WDR93: variants seen among roughly 807,000 people sequenced by gnomAD.
WDR93 encodes WD repeat-containing protein 93.
WDR93 carries 73 observed loss-of-function variants against 82.9 expected under a neutral mutation model. The ratio of observed to expected loss-of-function variants is 0.88; its 90% CI spans 0.73 to 1.07. The LOEUF (loss-of-function observed/expected upper bound fraction) is 1.07, where lower values mean the gene tolerates loss of function less well. Among genes scored for constraint, WDR93 ranks in the 50% least tolerant of loss-of-function variants. The pLI, the probability that WDR93 is intolerant of heterozygous loss-of-function variation, is 0.00. For missense variants in WDR93, 738 were observed against 826.0 expected (o/e 0.89, Z 1.31); for synonymous variants, 283 against 300.1 (o/e 0.94, Z 0.59).
At chr15:89,740,523 C>CA (rs1967582063) in intron 16 of WDR93, among the ~76,000 whole-genome samples, 1 of 151,772 alleles carries the variant, frequency 6.6e-6, no homozygotes, top group African/African-American at 2.4e-5. Flanking sequence ...GTTTTTGAAA[C>CA]AGAGTTTCAC....
intron 8 of WDR93, among the ~76,000 whole-genome samples, chr15:89,725,826 T>A (rs1328484632): frequency 6.6e-6 from 1 of 152,204 alleles, no homozygotes; most frequent in Non-Finnish European, 1.5e-5. Flanking sequence ...CCTTCCAAAG[T>A]GCTGGGATTA....
intron 14 of WDR93, among the ~76,000 whole-genome samples, chr15:89,736,251 C>T (rs761475611): frequency 2.6e-5 from 4 of 152,158 alleles, no homozygotes; most frequent in South Asian, 2.1e-4. Context: ...GGTTGATCCT[C>T]GCTTGCAGAG....
intron 8 of WDR93, among the ~76,000 whole-genome samples, chr15:89,722,952 C>G (rs1443784079): frequency 2.6e-5 from 4 of 152,004 alleles, no homozygotes; most frequent in African/African-American, 9.7e-5. Flanking sequence ...TGCCTATAAT[C>G]CTAGCACTTT....
At chr15:89,690,374 G>C (rs764825812), upstream of WDR93, among the ~76,000 whole-genome samples, 1 of 152,200 alleles carries the variant, frequency 6.6e-6, no homozygotes, top group African/African-American at 2.4e-5. Context: ...GGGCTAGGAC[G>C]GGACGCGGGT....
At chr15:89,690,687 G>C, upstream of WDR93, 3 of 1,329,164 alleles carry the variant, frequency 2.3e-6, no homozygotes, top group Non-Finnish European at 3.2e-6. Flanking sequence ...GGTCCTCTGG[G>C]GCCCGTCGGA....
intron 13 of WDR93, among the ~76,000 whole-genome samples, chr15:89,734,455 C>A (rs965755952): frequency 6.6e-6 from 1 of 152,150 alleles, no homozygotes; most frequent in East Asian, 1.9e-4. Context: ...AGTCTAAGGG[C>A]TCCTAGCAGC....
At chr15:89,696,488 G>T (rs548446716) in intron 1 of WDR93, among the ~76,000 whole-genome samples, 8 of 151,684 alleles carry the variant, frequency 5.3e-5, no homozygotes, top group African/African-American at 1.9e-4. Context: ...GGTGGTGGTG[G>T]TGGTGGTGGT....
At chr15:89,715,294 G>A (rs1469289061) in intron 6 of WDR93, among the ~76,000 whole-genome samples, 199 bp downstream of exon 6, 1 of 152,150 alleles carries the variant, frequency 6.6e-6, no homozygotes, top group African/African-American at 2.4e-5. Context: ...TCAGTAGTGG[G>A]AATCGCAGTA....
intron 8 of WDR93, among the ~76,000 whole-genome samples, chr15:89,724,268 G>A (rs1966643550): frequency 1.3e-5 from 2 of 152,114 alleles, no homozygotes; most frequent in Non-Finnish European, 2.9e-5. Flanking sequence ...CTTGAACCTG[G>A]GAGGCAGAAG....
At chr15:89,702,100 A>G (rs772945228) in intron 2 of WDR93, 51 bp downstream of exon 2, 1 of 1,532,716 alleles carries the variant, frequency 6.5e-7, no homozygotes, top group Non-Finnish European at 8.8e-7. Context: ...TTGAGTGTTA[A>G]TAAATGAAAT....
rs11457156 is a variant in WDR93, at chr15:89,717,045, C to CTTTT, written c.795+115_795+118dup. ...TTTTTCTTTTCTTTTCTTTTTCTTT[C>CTTTT]TTTTTTTTTTTTTTTTTTTTTTGAG... On this transcript the variant is annotated intron_variant, in intron 7 of 16. Coordinates refer to ENST00000268130, the MANE Select transcript of WDR93 (RefSeq NM_020212.2). 2.9e-3 allele frequency: 496 copies of CTTTT among 171,906 alleles called. 1 individual carries two copies. Among genetic ancestry groups the CTTTT allele is most frequent in the African/African-American group, 5.6e-3 (89 of 15,904 alleles). The allele number at this position is 171,906 out of a possible 1,614,324, so 10.6% of individuals were successfully genotyped here.
chr15:89,699,019 G>T (rs1057382714), intron 1 of WDR93, among the ~76,000 whole-genome samples: 1 of 151,802 alleles, frequency 6.6e-6, no homozygotes, highest in Non-Finnish European at 1.5e-5. Flanking sequence ...CACCACGCCT[G>T]GCTAATTAAA....
intron 7 of WDR93, among the ~76,000 whole-genome samples, chr15:89,719,410 G>A (rs965968027): frequency 3.9e-5 from 6 of 152,136 alleles, no homozygotes; most frequent in African/African-American, 1.4e-4. Context: ...CACTATTCAG[G>A]TTATCTATTT....
intron 14 of WDR93, among the ~76,000 whole-genome samples, chr15:89,736,463 C>T (rs148529680): frequency 6.6e-6 from 1 of 152,176 alleles, no homozygotes; most frequent in East Asian, 1.9e-4. Flanking sequence ...ACAGCAGGTT[C>T]CCCTTGTTAA....
At chr15:89,721,699 A>G (rs1339484848) in intron 7 of WDR93, among the ~76,000 whole-genome samples, 3 of 152,170 alleles carry the variant, frequency 2.0e-5, no homozygotes, top group Admixed American at 2.0e-4. Flanking sequence ...GTCATAGCAC[A>G]TTGCCACCTC....
At chr15:89,737,254 G>C (rs1388244940) in intron 14 of WDR93, among the ~76,000 whole-genome samples, 11 of 152,214 alleles carry the variant, frequency 7.2e-5, no homozygotes, top group African/African-American at 2.4e-4. Flanking sequence ...GCACAGGTGA[G>C]AAATGGAATC....
chr15:89,739,382 T>C (rs903162292), intron 16 of WDR93, among the ~76,000 whole-genome samples: 5 of 152,208 alleles, frequency 3.3e-5, no homozygotes, highest in Admixed American at 6.5e-5. Context: ...TGCCAACCCA[T>C]GATCTAAGAC....
intron 1 of WDR93, among the ~76,000 whole-genome samples, chr15:89,691,262 G>A (rs1964864654): frequency 6.6e-6 from 1 of 152,200 alleles, no homozygotes. Context: ...ATTGAAAGAA[G>A]ATTGTTACCT....
rs113048180 is a variant in WDR93 at position 89,691,038 on chromosome 15, C to A, written c.-41+181C>A. Among the ~76,000 whole-genome samples, 14 of 152,208 alleles carry A rather than the reference C, an allele frequency of 9.2e-5. No individual in the cohort carries two copies. The East Asian group carries it at 2.1e-3, about 23-fold the overall frequency. ...GTTCTCAGGAACCCGGGGTGATATC[C>A]CGAATGGTCTCTCCAGCCTCAGAAC... On this transcript the variant is annotated intron_variant, in intron 1 of 16. Transcript: ENST00000268130.
Sources: allele counts gnomAD v4.1 joint callset (sites outside exome capture counted in the v4.1 genomes callset), GRCh38; gene constraint gnomAD v4.1.1; transcripts MANE v1.5; gene names NCBI Gene and HGNC (gene_info 2026-07-23, HGNC 2026-07-21).